PDE1C: variants seen among roughly 807,000 people sequenced by gnomAD.
PDE1C encodes the protein phosphodiesterase 1C.
Under a neutral mutation model 93.1 loss-of-function variants are expected in PDE1C, and 62 were observed. That is an observed-to-expected ratio of 0.67 (90% CI 0.54 to 0.82). PDE1C has a LOEUF of 0.82. Ranked by LOEUF, PDE1C falls within the 40% of genes least tolerant of loss-of-function variation. The pLI is 0.00. For missense variants in PDE1C, 742 were observed against 884.6 expected (o/e 0.84, Z 2.04); for synonymous variants, 325 against 310.1 (o/e 1.05, Z -0.50).
At position 31,824,990 on chromosome 7, in the gene PDE1C, G is replaced by T. The variant is rs759130259; in HGVS notation, c.1286-3C>A. 1 of 1,613,170 alleles carries T rather than the reference G, an allele frequency of 6.2e-7. No homozygotes were observed. Among genetic ancestry groups the T allele is most frequent in the East Asian group, 2.2e-5 (1 of 44,814 alleles). On this transcript the variant is annotated splice_region_variant and splice_polypyrimidine_tract_variant and intron_variant, in intron 12 of 17. Transcript: ENST00000396191. ...TTCCACGATGAAATCAATGAAACCT[G>T]AAGAGAAACAGCAATGCTTCAGAGG...
At chr7:32,336,839 A>C (rs1783635875) in intron 1 of PDE1C, among the ~76,000 whole-genome samples, 2 of 152,216 alleles carry the variant, frequency 1.3e-5, no homozygotes, top group African/African-American at 4.8e-5. Flanking sequence ...CCCTAGAGGC[A>C]AGTAAGGAAC....
rs550163161 is a variant in PDE1C, at chr7:32,129,051, A to C, written c.308+40734T>G. Among the ~76,000 whole-genome samples the C allele has an allele frequency of 2.0e-5, 3 of 150,218 alleles. No individual in the cohort carries two copies. In the South Asian group the frequency reaches 6.3e-4, roughly 32 times the overall value. On this transcript the variant is annotated intron_variant, in intron 3 of 18. Transcript: ENST00000396193. The stretch of plus-strand genomic sequence containing the variant: ...CAATATAATTTGTGCAGTCATTATA[A>C]GTGATATTGACAATTAGTCATGTGA...
At chr7:31,933,141 G>A (rs975947893) in intron 2 of PDE1C, among the ~76,000 whole-genome samples, 1 of 152,014 alleles carries the variant, frequency 6.6e-6, no homozygotes, top group African/African-American at 2.4e-5. Context: ...TAGATGATGG[G>A]TTGATGGGTG....
At position 32,026,367 on chromosome 7, in the gene PDE1C, A is replaced by G. The variant is rs546818098; in HGVS notation, c.128+25187T>C. On this transcript the variant is annotated intron_variant, in intron 2 of 17. Transcript: ENST00000396191. ...TCTTATCCCTCAGTAGCAACCACAG[A>G]AGACATTCACTGTCGATCTCAGAAC... Among the ~76,000 whole-genome samples, 5 of 152,126 alleles carry G rather than the reference A, an allele frequency of 3.3e-5. No homozygotes were observed. In the South Asian group the frequency reaches 1.0e-3, roughly 31 times the overall value.
intron 7 of PDE1C, among the ~76,000 whole-genome samples, chr7:31,857,576 T>C: frequency 6.6e-6 from 1 of 152,190 alleles, no homozygotes; most frequent in Non-Finnish European, 1.5e-5. Flanking sequence ...GGAAGGACAC[T>C]GAGAAGACTG....
intron 9 of PDE1C, among the ~76,000 whole-genome samples, chr7:31,838,950 T>C (rs1241194557): frequency 6.7e-6 from 1 of 150,348 alleles, no homozygotes; most frequent in Non-Finnish European, 1.5e-5. Flanking sequence ...TTTATACATG[T>C]GTACATAAAG....
intron 1 of PDE1C, among the ~76,000 whole-genome samples, chr7:32,221,697 A>G (rs750098985): frequency 3.4e-4 from 51 of 152,140 alleles, no homozygotes; most frequent in Non-Finnish European, 6.3e-4. Context: ...AATGCATGCT[A>G]TGGAATTTAA....
intron 15 of PDE1C, 30 bp from the exon 16 acceptor site, chr7:31,809,138 A>G: frequency 1.6e-6 from 2 of 1,242,738 alleles, no homozygotes; most frequent in Non-Finnish European, 1.2e-6. Flanking sequence ...CAAACAGTAT[A>G]TGTATGCAGC....
intron 2 of PDE1C, among the ~76,000 whole-genome samples, chr7:31,997,463 C>T (rs914770427): frequency 2.6e-5 from 4 of 152,156 alleles, no homozygotes; most frequent in East Asian, 1.9e-4. Flanking sequence ...AGCATTTCCA[C>T]AGAAAGCGTA....
intron 7 of PDE1C, among the ~76,000 whole-genome samples, chr7:31,864,717 A>G (rs1795075790): frequency 1.3e-5 from 2 of 152,344 alleles, no homozygotes; most frequent in Middle Eastern, 3.4e-3. Flanking sequence ...TGAAGACGCA[A>G]ATCACTACTA....
At chr7:31,747,449 C>A (rs1794029663), downstream of PDE1C, among the ~76,000 whole-genome samples, 1 of 152,166 alleles carries the variant, frequency 6.6e-6, no homozygotes, top group Non-Finnish European at 1.5e-5. Flanking sequence ...TTGAAACCGA[C>A]TATGCTAGAG....
At chr7:32,408,754 A>C (rs922430920) in intron 1 of PDE1C, among the ~76,000 whole-genome samples, 1 of 152,122 alleles carries the variant, frequency 6.6e-6, no homozygotes, top group South Asian at 2.1e-4. Context: ...ATGCTGCTGC[A>C]CTCCAGCCTG....
At chr7:31,859,260 C>T (rs2128821523) in intron 7 of PDE1C, among the ~76,000 whole-genome samples, 1 of 149,418 alleles carries the variant, frequency 6.7e-6, no homozygotes. Context: ...GAGTCAGGAT[C>T]ACAGTATTAG....
the PDE1C span, among the ~76,000 whole-genome samples, chr7:31,704,092 T>C: frequency 6.6e-6 from 1 of 152,180 alleles, no homozygotes; most frequent in East Asian, 1.9e-4. Flanking sequence ...GCTGGAAGCA[T>C]CAAAGAGAAT....
At chr7:32,195,151 A>C (rs1469710600) in intron 2 of PDE1C, among the ~76,000 whole-genome samples, 1 of 152,200 alleles carries the variant, frequency 6.6e-6, no homozygotes, top group East Asian at 1.9e-4. Context: ...CAACCATCAA[A>C]CATAACTTAG....
intron 11 of PDE1C, among the ~76,000 whole-genome samples, chr7:31,835,299 C>G (rs930130519): frequency 6.6e-6 from 1 of 152,020 alleles, no homozygotes; most frequent in African/African-American, 2.4e-5. Flanking sequence ...GGAGAACATC[C>G]TCCTACTACT....
At chr7:31,683,130 G>T in the PDE1C span, among the ~76,000 whole-genome samples, 1 of 152,192 alleles carries the variant, frequency 6.6e-6, no homozygotes, top group East Asian at 1.9e-4. Context: ...CACACAGACA[G>T]AGTTGGGGAA....
intron 1 of PDE1C, among the ~76,000 whole-genome samples, chr7:32,233,971 T>C (rs1482249941): frequency 6.6e-6 from 1 of 151,968 alleles, no homozygotes; most frequent in Non-Finnish European, 1.5e-5. Context: ...AAAATGAAAT[T>C]AGACAGAAAG....
chr7:31,769,099 A>C (rs1243925213), intron 17 of PDE1C, among the ~76,000 whole-genome samples: 1 of 151,960 alleles, frequency 6.6e-6, no homozygotes, highest in Admixed American at 6.6e-5. Flanking sequence ...CCTGGCCTTA[A>C]CACTTTTTTT....
Sources: gnomAD v4.1 joint callset for allele counts (sites outside exome capture counted in the v4.1 genomes callset) on GRCh38, gnomAD v4.1.1 for gene constraint, MANE v1.5 for transcripts, NCBI Gene and HGNC (gene_info 2026-07-23, HGNC 2026-07-21) for gene names.